Variants in OR3A2 observed in about 807,000 individuals in gnomAD.
OR3A2 encodes olfactory receptor family 3 subfamily A member 2.
For missense variants in OR3A2, 318 were observed against 392.8 expected, an observed-to-expected ratio of 0.81 and a Z score of 1.61; for synonymous variants, 126 against 159.3, an observed-to-expected ratio of 0.79 and a Z score of 1.57.
intron 3 of OR3A2, among the ~76,000 whole-genome samples, chr17:3,306,631 C>T (rs563032337): frequency 4.9e-5 from 7 of 144,284 alleles, no homozygotes; most frequent in East Asian, 2.0e-4. Context: ...AGCCCCTCTC[C>T]ATGTGGAATA....
chr17:3,328,470 G>A (rs1054569311), intron 3 of OR3A2, among the ~76,000 whole-genome samples: 4 of 129,910 alleles, frequency 3.1e-5, no homozygotes, highest in African/African-American at 6.4e-5. Context: ...GACACAATGG[G>A]GTTTTCTAGA....
upstream of OR3A2, chr17:3,284,532 G>A (rs909306435): frequency 6.0e-5 from 9 of 150,106 alleles, no homozygotes; most frequent in Non-Finnish European, 1.2e-4. Flanking sequence ...CTCCTCTGGG[G>A]CACTCAGAAA....
chr17:3,303,692 T>A (rs940955680), intron 3 of OR3A2, among the ~76,000 whole-genome samples: 1 of 144,958 alleles, frequency 6.9e-6, no homozygotes, highest in Admixed American at 7.4e-5. Context: ...CTGCAGTGAG[T>A]CAAGATCACA....
chr17:3,345,765 C>A (rs2049359129), intron 2 of OR3A2, among the ~76,000 whole-genome samples: 1 of 151,936 alleles, frequency 6.6e-6, no homozygotes, highest in Non-Finnish European at 1.5e-5. Context: ...AGAAAAAGAA[C>A]AAAGAAAATG....
chr17:3,383,216 C>A (rs565291210), intron 2 of OR3A2, among the ~76,000 whole-genome samples: 68 of 152,236 alleles, frequency 4.5e-4, no homozygotes, highest in Non-Finnish European at 7.5e-4. Flanking sequence ...AAATTGGAAT[C>A]ATTTGTAGAA....
intron 2 of OR3A2, among the ~76,000 whole-genome samples, chr17:3,368,399 G>C (rs2049582787): frequency 6.6e-6 from 1 of 152,094 alleles, no homozygotes; most frequent in Non-Finnish European, 1.5e-5. Flanking sequence ...TCCATCTTGA[G>C]TAGATTTTTG....
chr17:3,374,756 T>C (rs997774482), intron 2 of OR3A2, among the ~76,000 whole-genome samples: 4 of 152,214 alleles, frequency 2.6e-5, no homozygotes, highest in African/African-American at 9.6e-5. Context: ...TGATGTTTCA[T>C]CTCACGAATA....
In OR3A2 at chr17:3,326,551, TTTC is replaced by T. The variant is rs1427418091; in HGVS notation, c.-85+9479_-85+9481del. Among the ~76,000 whole-genome samples the T allele has an allele frequency of 6.2e-5, 9 of 145,850 alleles. No individual in the cohort carries two copies. The South Asian group carries it at 6.4e-4, about 10-fold the overall frequency. Reference sequence around the variant, plus strand: ...TAATTTCTTATGCCTGTCTTTTTTTTTTCTTCTTTTTTTTATTATACTTTAAGT... The same window carrying T: ...TAATTTCTTATGCCTGTCTTTTTTTTTTCTTTTTTTTATTATACTTTAAGT... On this transcript the variant is annotated intron_variant, in intron 3 of 4. Transcript: ENST00000573491.
intron 3 of OR3A2, among the ~76,000 whole-genome samples, chr17:3,303,964 A>AATAT (rs199766708): frequency 0.028 from 3,295 of 117,862 alleles, 133 homozygotes; most frequent in African/African-American, 0.11. Context: ...TTTTGGTACT[A>AATAT]ATATATATAT....
At chr17:3,299,239 CAG>C (rs1360724136) in intron 3 of OR3A2, among the ~76,000 whole-genome samples, 1 of 152,140 alleles carries the variant, frequency 6.6e-6, no homozygotes, top group African/African-American at 2.4e-5. Context: ...GAGTTCTGAG[CAG>C]AGAGAGCTGA....
chr17:3,316,581 G>A (rs1419558837), intron 3 of OR3A2, among the ~76,000 whole-genome samples: 1 of 152,180 alleles, frequency 6.6e-6, no homozygotes, highest in African/African-American at 2.4e-5. Context: ...TTTAAAATCT[G>A]TGTTCTCATT....
At chr17:3,279,040 A>G (rs1030740124) in intron 1 of OR3A2, 36 bp downstream of exon 4, 27 of 1,511,368 alleles carry the variant, frequency 1.8e-5, no homozygotes, top group Non-Finnish European at 2.3e-5. Context: ...GCCATCCCTC[A>G]CTCGTTGACC....
intron 3 of OR3A2, among the ~76,000 whole-genome samples, chr17:3,320,884 A>C (rs2049116469): frequency 6.6e-6 from 1 of 151,828 alleles, no homozygotes; most frequent in African/African-American, 2.4e-5. Flanking sequence ...TTCCATATGA[A>C]CTTTAAAGTA....
At chr17:3,292,597 A>G (rs2048886431) in intron 3 of OR3A2, 2 of 1,578,720 alleles carry the variant, frequency 1.3e-6, no homozygotes, top group African/African-American at 1.4e-5. Flanking sequence ...TCCTGCAAAG[A>G]AACATCCAGG....
At chr17:3,361,558 TA>T (rs2039767041) in intron 2 of OR3A2, among the ~76,000 whole-genome samples, 1 of 151,724 alleles carries the variant, frequency 6.6e-6, no homozygotes, top group Admixed American at 6.6e-5. Context: ...GGGTTTGTCA[TA>T]GATAGCTCTT....
intron 3 of OR3A2, among the ~76,000 whole-genome samples, chr17:3,328,056 A>C (rs201553365): frequency 0.084 from 12,065 of 144,314 alleles, 952 homozygotes; most frequent in East Asian, 0.47. Flanking sequence ...TTTTGGTTCC[A>C]TATGAACTTT....
chr17:3,347,477 G>C (rs541843829), intron 2 of OR3A2, among the ~76,000 whole-genome samples: 3 of 152,120 alleles, frequency 2.0e-5, no homozygotes, highest in Non-Finnish European at 2.9e-5. Context: ...TCCCACCTAT[G>C]AGTGAGAACA....
chr17:3,377,962 A>G (rs1342291178), intron 2 of OR3A2, among the ~76,000 whole-genome samples: 2 of 151,926 alleles, frequency 1.3e-5, no homozygotes, highest in East Asian at 1.9e-4. Flanking sequence ...AGGAGAAATG[A>G]AAACATAACA....
At chr17:3,347,828 C>T (rs1180860555) in intron 2 of OR3A2, among the ~76,000 whole-genome samples, 1 of 152,198 alleles carries the variant, frequency 6.6e-6, no homozygotes, top group Non-Finnish European at 1.5e-5. Context: ...ACACTGACTT[C>T]CACAATGGTT....
Sources: allele counts gnomAD v4.1 joint callset (sites outside exome capture counted in the v4.1 genomes callset), GRCh38; gene constraint gnomAD v4.1.1; transcripts MANE v1.5; gene names NCBI Gene and HGNC (gene_info 2026-07-23, HGNC 2026-07-21).